Variants in RNF24 observed in about 807,000 individuals in gnomAD.
RNF24 encodes ring finger protein 24.
In RNF24, 14 loss-of-function variants were observed where a neutral mutation model predicts 20.0. That is an observed-to-expected ratio of 0.70 (90% CI 0.46 to 1.10). The LOEUF (loss-of-function observed/expected upper bound fraction) is 1.10, where lower values mean the gene tolerates loss of function less well. RNF24 is among the 50% of genes least tolerant of loss of function. RNF24 has a pLI of 0.00. For synonymous variants in RNF24, 45 were observed against 61.1 expected (o/e 0.74, Z 1.23); for missense variants, 124 against 177.6 (o/e 0.70, Z 1.71).
chr20:3,961,677 CCCTT>C (rs1254349987), intron 2 of RNF24, among the ~76,000 whole-genome samples: 2 of 151,738 alleles, frequency 1.3e-5, no homozygotes, highest in Non-Finnish European at 2.9e-5. Context: ...TGATAACCCT[CCCTT>C]AATAACATTT....
At chr20:3,981,647 A>C (rs905037609) in intron 1 of RNF24, among the ~76,000 whole-genome samples, 5 of 152,156 alleles carry the variant, frequency 3.3e-5, no homozygotes, top group East Asian at 1.9e-4. Context: ...CTGGGACTAC[A>C]GGCATGCACC....
chr20:3,954,296 G>A (rs2091117255), intron 2 of RNF24, among the ~76,000 whole-genome samples: 1 of 152,018 alleles, frequency 6.6e-6, no homozygotes, highest in Admixed American at 6.6e-5. Context: ...TGTCTCTATA[G>A]ATTTGCCTAT....
intron 1 of RNF24, among the ~76,000 whole-genome samples, chr20:3,989,384 G>A (rs1206146065): frequency 6.6e-6 from 1 of 151,868 alleles, no homozygotes; most frequent in South Asian, 2.1e-4. Context: ...CCAGGTACTC[G>A]GGAGGCTGAG....
chr20:4,011,208 C>G (rs1982434444), intron 1 of RNF24, among the ~76,000 whole-genome samples: 1 of 152,186 alleles, frequency 6.6e-6, no homozygotes, highest in Admixed American at 6.5e-5. Context: ...GCTAATGGAA[C>G]AATGTCTTCA....
intron 1 of RNF24, among the ~76,000 whole-genome samples, chr20:3,977,760 G>A (rs1978997515): frequency 6.6e-6 from 1 of 151,540 alleles, no homozygotes; most frequent in Admixed American, 6.6e-5. Flanking sequence ...AGCCACTCGG[G>A]AGGCTGAGGC....
intron 1 of RNF24, among the ~76,000 whole-genome samples, chr20:4,005,769 G>A (rs762764533): frequency 2.0e-5 from 3 of 151,500 alleles, no homozygotes; most frequent in Non-Finnish European, 2.9e-5. Context: ...AAACTTAACA[G>A]ATACTGCAGC....
chr20:3,973,076 G>T (rs188559196), intron 1 of RNF24, among the ~76,000 whole-genome samples: 16 of 152,096 alleles, frequency 1.1e-4, no homozygotes, highest in Admixed American at 9.2e-4. Context: ...GGTGGCAGGT[G>T]CCTGTAATCC....
intron 1 of RNF24, among the ~76,000 whole-genome samples, chr20:4,009,057 G>C (rs1019244067): frequency 6.6e-6 from 1 of 152,188 alleles, no homozygotes; most frequent in Non-Finnish European, 1.5e-5. Context: ...CATGTACTGA[G>C]TAGACACTTG....
chr20:3,950,678 A>G (rs1292326344), intron 2 of RNF24, among the ~76,000 whole-genome samples: 1 of 152,240 alleles, frequency 6.6e-6, no homozygotes, highest in African/African-American at 2.4e-5. Context: ...GAAAAGTTGC[A>G]AAAAATAGAA....
At chr20:3,974,400 T>C (rs946813396) in intron 1 of RNF24, 176 of 1,546,086 alleles carry the variant, frequency 1.1e-4, no homozygotes, top group Non-Finnish European at 1.5e-4. Flanking sequence ...TGCTGGAAGT[T>C]CTAGCCAGTG....
intron 1 of RNF24, among the ~76,000 whole-genome samples, chr20:4,000,209 G>A: frequency 6.6e-6 from 1 of 152,152 alleles, no homozygotes; most frequent in Non-Finnish European, 1.5e-5. Flanking sequence ...AAAGAGAATT[G>A]CCTAAAACAA....
At chr20:3,977,631 C>T (rs60661871) in intron 1 of RNF24, among the ~76,000 whole-genome samples, 1,762 of 152,032 alleles carry the variant, frequency 0.012, 32 homozygotes, top group African/African-American at 0.04. Context: ...TTTGGGAGGC[C>T]GAGGCGGGCG....
chr20:4,014,871 G>A (rs1266403326), intron 1 of RNF24, among the ~76,000 whole-genome samples: 1 of 152,122 alleles, frequency 6.6e-6, no homozygotes, highest in Non-Finnish European at 1.5e-5. Context: ...TTTCATTAAT[G>A]AGTAAGCCGA....
At chr20:3,976,966 G>A (rs6107381) in intron 1 of RNF24, among the ~76,000 whole-genome samples, 1,550 of 152,176 alleles carry the variant, frequency 0.01, 17 homozygotes, top group African/African-American at 0.035. Context: ...ACTGTTTATT[G>A]TAGCTGCATG....
chr20:4,014,776 C>CA (rs1982753115), intron 1 of RNF24, among the ~76,000 whole-genome samples: 1 of 144,948 alleles, frequency 6.9e-6, no homozygotes, highest in African/African-American at 2.7e-5. Flanking sequence ...CACACACACA[C>CA]ATCATTAGGT....
chr20:3,927,931 C>G lies in RNF24; in HGVS notation c.*6132G>C, dbSNP rs1422094217. On this transcript the variant is annotated 3_prime_UTR_variant, in exon 6 of 6. Coordinates refer to ENST00000358395, the MANE Select transcript of RNF24 (RefSeq NM_001134337.3). ...TGCTTGGTCAAAAAGTGGAGTACAT[C>G]TTTGCATCTTGTAACAATTTGGGCT... 1 of 152,210 alleles carries G rather than the reference C, an allele frequency of 6.6e-6. No homozygotes were observed. The highest frequency in any genetic ancestry group is 1.5e-5 in the Non-Finnish European group (1 of 68,050). The allele number at this position is 152,210 out of a possible 1,614,324, so 9.4% of individuals were successfully genotyped here.
Position 3,933,424 on chromosome 20 carries a change from G to A in RNF24, c.*639C>T. 5.3e-6 allele frequency: 2 copies of A among 377,450 alleles called. No homozygotes were observed. The highest frequency in any genetic ancestry group is 9.4e-6 in the Non-Finnish European group (2 of 213,314). 23.4% of individuals were successfully genotyped at this position (377,450 alleles called of 1,614,324 possible). ...GAGAGGGAAATGATAAGAGGAAATG[G>A]CTTCTGACTAGGCCTTTCCAAGCGC... On this transcript the variant is annotated 3_prime_UTR_variant, in exon 6 of 6. Transcript: ENST00000358395.
intron 1 of RNF24, among the ~76,000 whole-genome samples, chr20:3,992,647 T>C (rs1355585646): frequency 6.6e-6 from 1 of 152,164 alleles, no homozygotes; most frequent in Non-Finnish European, 1.5e-5. Flanking sequence ...TCTCGTACAA[T>C]TGGTAGACTG....
intron 1 of RNF24, among the ~76,000 whole-genome samples, chr20:3,980,506 A>T (rs1979288180): frequency 1.3e-5 from 2 of 152,212 alleles, no homozygotes; most frequent in Non-Finnish European, 2.9e-5. Context: ...TGAATAATCG[A>T]AAACTTACAA....
Sources: allele counts gnomAD v4.1 joint callset (sites outside exome capture counted in the v4.1 genomes callset), GRCh38; gene constraint gnomAD v4.1.1; transcripts MANE v1.5; gene names NCBI Gene and HGNC (gene_info 2026-07-23, HGNC 2026-07-21).